Variants in CSMD3 observed in about 807,000 individuals in gnomAD.
The protein encoded by CSMD3 is CUB and Sushi multiple domains 3, also known as CUB and sushi domain-containing protein 3.
CSMD3 carries 177 observed loss-of-function variants against 435.2 expected under a neutral mutation model. The ratio of observed to expected loss-of-function variants is 0.41; its 90% confidence interval spans 0.36 to 0.46. CSMD3 has a LOEUF of 0.46. Ranked by LOEUF, CSMD3 falls within the 20% of genes least tolerant of loss-of-function variation. The pLI is 0.34. For missense variants in CSMD3, 4,265 were observed against 4,504.6 expected, an observed-to-expected ratio of 0.95 and a Z score of 1.52; for synonymous variants, 1,656 against 1,520.5, an observed-to-expected ratio of 1.09 and a Z score of -2.07.
chr8:113,181,649 G>A (rs1404583852), intron 3 of CSMD3, among the ~76,000 whole-genome samples: 1 of 151,938 alleles, frequency 6.6e-6, no homozygotes, highest in African/African-American at 2.4e-5. Context: ...TAACATAGTT[G>A]GGTGAAAGGA....
chr8:112,771,472 G>T (rs2132197830), intron 13 of CSMD3, among the ~76,000 whole-genome samples: 1 of 152,194 alleles, frequency 6.6e-6, no homozygotes, highest in East Asian at 1.9e-4. Context: ...CCAGGAGGTG[G>T]AGGTTGCAGT....
chr8:112,337,419 TATC>T, intron 43 of CSMD3, 121 bp downstream of exon 43: 1 of 780,714 alleles, frequency 1.3e-6, no homozygotes, highest in Non-Finnish European at 2.2e-6. Flanking sequence ...GTTTAAAAAA[TATC>T]TTCAGCTGAG....
At chr8:112,433,470 A>G (rs1813945285) in intron 32 of CSMD3, among the ~76,000 whole-genome samples, 1 of 151,834 alleles carries the variant, frequency 6.6e-6, no homozygotes, top group Non-Finnish European at 1.5e-5. Flanking sequence ...AGCCTGGGCA[A>G]CATAGTAAGA....
intron 41 of CSMD3, among the ~76,000 whole-genome samples, chr8:112,342,754 A>T (rs1011449738): frequency 6.6e-6 from 1 of 151,848 alleles, no homozygotes; most frequent in Non-Finnish European, 1.5e-5. Flanking sequence ...TTGGACAAAT[A>T]AGCTTTGGAA....
chr8:112,837,016 C>T (rs919039157), intron 11 of CSMD3, among the ~76,000 whole-genome samples: 1 of 151,648 alleles, frequency 6.6e-6, no homozygotes, highest in African/African-American at 2.4e-5. Context: ...TCCGTGCATC[C>T]CAAATACCTC....
intron 28 of CSMD3, among the ~76,000 whole-genome samples, chr8:112,513,994 A>C (rs947061938): frequency 2.0e-5 from 3 of 152,162 alleles, no homozygotes; most frequent in African/African-American, 7.2e-5. Context: ...AATTTATTAC[A>C]TATAGTAAAG....
chr8:112,802,213 A>C lies in CSMD3; in HGVS notation c.1860-1939T>G, dbSNP rs184363896. Among the ~76,000 whole-genome samples, 114 of 152,054 alleles carry C rather than the reference A, an allele frequency of 7.5e-4. 1 individual carries two copies. In the East Asian group the frequency reaches 0.016, roughly 21 times the overall value. On this transcript the variant is annotated intron_variant, in intron 12 of 70. Transcript: ENST00000297405. ...TTCTTTTAGAAAACTTGAAATTATA[A>C]GTTCCATTTATTTTAGATGTATCAA...
intron 4 of CSMD3, among the ~76,000 whole-genome samples, chr8:113,109,927 T>A (rs1410982263): frequency 6.6e-6 from 1 of 152,054 alleles, no homozygotes; most frequent in Non-Finnish European, 1.5e-5. Flanking sequence ...CATGTCGTTC[T>A]AGGACCCACC....
intron 4 of CSMD3, among the ~76,000 whole-genome samples, chr8:113,165,587 T>C (rs1053764351): frequency 6.6e-6 from 1 of 152,104 alleles, no homozygotes; most frequent in Non-Finnish European, 1.5e-5. Flanking sequence ...GCTGACATTT[T>C]TCTAGGAATT....
intron 1 of CSMD3, among the ~76,000 whole-genome samples, chr8:113,391,674 GAATA>G (rs1161895227): frequency 6.6e-6 from 1 of 151,964 alleles, no homozygotes; most frequent in East Asian, 1.9e-4. Context: ...ATGTGAGAAT[GAATA>G]GAGAATTAAA....
chr8:113,312,621 C>T (rs2093878036), intron 2 of CSMD3: 1 of 152,106 alleles, frequency 6.6e-6, no homozygotes. Flanking sequence ...ACAAGCATTA[C>T]TATCAGGGAA....
At chr8:112,961,427 C>T (rs1420446220) in intron 7 of CSMD3, among the ~76,000 whole-genome samples, 9 of 151,824 alleles carry the variant, frequency 5.9e-5, no homozygotes, top group Admixed American at 2.6e-4. Context: ...AATTATTTAA[C>T]GTATTTCAAG....
intron 3 of CSMD3, among the ~76,000 whole-genome samples, chr8:113,253,014 A>C (rs1200075501): frequency 2.0e-5 from 3 of 152,214 alleles, no homozygotes; most frequent in Non-Finnish European, 4.4e-5. Context: ...ACTCAGTAGA[A>C]CAGAAACTCA....
At chr8:112,791,706 C>T (rs375461956) in intron 13 of CSMD3, among the ~76,000 whole-genome samples, 3 of 152,122 alleles carry the variant, frequency 2.0e-5, no homozygotes, top group East Asian at 1.9e-4. Context: ...TCATACAAGT[C>T]TTTATATGGA....
At chr8:112,856,867 C>G (rs1031305452) in intron 11 of CSMD3, among the ~76,000 whole-genome samples, 1 of 151,708 alleles carries the variant, frequency 6.6e-6, no homozygotes, top group Non-Finnish European at 1.5e-5. Flanking sequence ...ATTATTTATA[C>G]CAACAATTTC....
At position 112,472,783 on chromosome 8, in the gene CSMD3, T is replaced by TA. The variant is rs1818657979; in HGVS notation, c.5279-77dup. On this transcript the variant is annotated intron_variant, in intron 31 of 70. Coordinates refer to ENST00000297405, the MANE Select transcript of CSMD3 (RefSeq NM_198123.2). ...TCATACCATGGTTATCTTCTTCATA[T>TA]AAAAAATATATGGCTAATGGAATTT... 8 of 787,940 alleles carry TA rather than the reference T, an allele frequency of 1.0e-5. No homozygotes were observed. In the East Asian group the frequency reaches 1.3e-4, roughly 12 times the overall value. 48.8% of individuals were successfully genotyped at this position (787,940 alleles called of 1,614,324 possible).
chr8:112,911,576 T>C (rs545853674), intron 10 of CSMD3, among the ~76,000 whole-genome samples: 143 of 151,692 alleles, frequency 9.4e-4, no homozygotes, highest in African/African-American at 3.3e-3. Context: ...TTGTCACATA[T>C]AATAACATTT....
intron 18 of CSMD3, among the ~76,000 whole-genome samples, chr8:112,651,627 T>C (rs1462379981): frequency 6.6e-6 from 1 of 151,620 alleles, no homozygotes; most frequent in Non-Finnish European, 1.5e-5. Context: ...GACCTTCACC[T>C]GCCGGGTTCA....
At chr8:113,229,936 C>A (rs752914619) in intron 3 of CSMD3, among the ~76,000 whole-genome samples, 31 of 151,394 alleles carry the variant, frequency 2.0e-4, no homozygotes, top group Non-Finnish European at 3.8e-4. Context: ...TTGTCTAGAC[C>A]CCATACCACG....
Sources: allele counts gnomAD v4.1 joint callset (sites outside exome capture counted in the v4.1 genomes callset), GRCh38; gene constraint gnomAD v4.1.1; transcripts MANE v1.5; gene names NCBI Gene and HGNC (gene_info 2026-07-23, HGNC 2026-07-21).